The following TRIML2 variants were observed in gnomAD, a reference collection of about 807,000 sequenced individuals.
The protein encoded by TRIML2 is tripartite motif family like 2.
TRIML2 carries 28 observed loss-of-function variants against 31.2 expected under a neutral mutation model. That is an observed-to-expected ratio of 0.90 (90% CI 0.66 to 1.23). The LOEUF (loss-of-function observed/expected upper bound fraction) is 1.23, where lower values mean the gene tolerates loss of function less well. Ranked by LOEUF, TRIML2 falls within the 50% of genes most tolerant of loss-of-function variation. The pLI, the probability that TRIML2 is intolerant of heterozygous loss-of-function variation, is 0.00. For synonymous variants in TRIML2, 187 were observed against 197.5 expected (o/e 0.95, Z 0.45); for missense variants, 536 against 528.3 (o/e 1.01, Z -0.14).
chr4:188,098,135 A>G, intron 5 of TRIML2: 1 of 308,864 alleles, frequency 3.2e-6, no homozygotes, highest in Non-Finnish European at 6.6e-6. Flanking sequence ...AAAAAAAAAA[A>G]AAAAAGGTAA....
At chr4:188,097,781 G>A (rs1008945534) in intron 5 of TRIML2, among the ~76,000 whole-genome samples, 5 of 152,090 alleles carry the variant, frequency 3.3e-5, no homozygotes, top group Non-Finnish European at 7.4e-5. Context: ...CCAGATGAGC[G>A]CATTCATTGC....
At chr4:188,097,765 C>T (rs1050440680) in intron 5 of TRIML2, among the ~76,000 whole-genome samples, 5 of 152,164 alleles carry the variant, frequency 3.3e-5, no homozygotes, top group African/African-American at 4.8e-5. Context: ...TACCTACAGA[C>T]GCTTTCCAGA....
intron 7 of TRIML2, among the ~76,000 whole-genome samples, chr4:188,095,653 G>T (rs1330845014): frequency 6.6e-6 from 1 of 152,132 alleles, no homozygotes; most frequent in Non-Finnish European, 1.5e-5. Context: ...CACGTTATTG[G>T]TGGGAAGGCA....
chr4:188,104,727 C>T, intron 3 of TRIML2, 110 bp downstream of exon 3: 1 of 931,020 alleles, frequency 1.1e-6, no homozygotes, highest in Non-Finnish European at 1.7e-6. Flanking sequence ...CTATAGATTT[C>T]ACATTTTTCC....
At position 188,095,390 on chromosome 4, in the gene TRIML2, C is replaced by T. The variant is rs557611463; in HGVS notation, c.745+1671G>A. 2.5e-3 allele frequency among the ~76,000 whole-genome samples: 380 copies of T among 152,148 alleles called. 3 individuals carry two copies. Among genetic ancestry groups the T allele is most frequent in the African/African-American group, 8.7e-3 (363 of 41,510 alleles). On this transcript the variant is annotated intron_variant, in intron 7 of 7. Transcript: ENST00000682553. ...GCAAAATTTATCTGATAAATGAATG[C>T]TAAACAGAACATATAAAGAAATTAT...
chr4:188,108,327 A>AT (rs1445435915), intron 1 of TRIML2, among the ~76,000 whole-genome samples: 5 of 152,154 alleles, frequency 3.3e-5, no homozygotes, highest in Non-Finnish European at 5.9e-5. Context: ...CAAAATTAAC[A>AT]TATCTAAAGC....
intron 3 of TRIML2, among the ~76,000 whole-genome samples, chr4:188,102,978 C>T (rs1457564050): frequency 6.7e-6 from 1 of 150,166 alleles, no homozygotes; most frequent in African/African-American, 2.4e-5. Flanking sequence ...CTTTGCACGT[C>T]TCTCCACCTC....
At chr4:188,108,979 A>G (rs1357738718) in intron 1 of TRIML2, among the ~76,000 whole-genome samples, 3 of 152,216 alleles carry the variant, frequency 2.0e-5, no homozygotes, top group Non-Finnish European at 4.4e-5. Context: ...TGTAAACGAT[A>G]TTTTATGTTA....
intron 7 of TRIML2, 42 bp downstream of exon 7, chr4:188,097,019 T>C (rs1418205515): frequency 7.2e-7 from 1 of 1,385,748 alleles, no homozygotes; most frequent in Non-Finnish European, 1.0e-6. Context: ...GATTCTCAAA[T>C]GCAGAACAGT....
At chr4:188,096,932 C>T (rs933889232) in intron 7 of TRIML2, 129 bp downstream of exon 7, 4 of 717,142 alleles carry the variant, frequency 5.6e-6, no homozygotes, top group African/African-American at 1.8e-5. Flanking sequence ...GCTGGGATTA[C>T]AGGAGTGACC....
intron 3 of TRIML2, among the ~76,000 whole-genome samples, chr4:188,104,287 A>G (rs1369311761): frequency 1.3e-5 from 2 of 152,174 alleles, no homozygotes; most frequent in African/African-American, 2.4e-5. Context: ...TTTAAAATAT[A>G]TTTACTTTCT....
chr4:188,095,779 C>T (rs1733477546), intron 7 of TRIML2, among the ~76,000 whole-genome samples: 1 of 152,138 alleles, frequency 6.6e-6, no homozygotes, highest in Non-Finnish European at 1.5e-5. Context: ...CAGCACAGAG[C>T]TGGAAACAAC....
intron 3 of TRIML2, among the ~76,000 whole-genome samples, chr4:188,101,686 C>G (rs1295886717): frequency 1.3e-5 from 2 of 150,978 alleles, no homozygotes; most frequent in African/African-American, 2.4e-5. Context: ...GAGCTAGACT[C>G]TGTCTCAAAA....
chr4:188,092,856 T>G (rs1733328258), intron 7 of TRIML2: 1 of 456,448 alleles, frequency 2.2e-6, no homozygotes, highest in Admixed American at 2.4e-5. Flanking sequence ...TCTCTGACTG[T>G]TCCTCTCATC....
At chr4:188,103,445 T>A (rs148736133) in intron 3 of TRIML2, among the ~76,000 whole-genome samples, 28 of 152,246 alleles carry the variant, frequency 1.8e-4, no homozygotes, top group African/African-American at 6.3e-4. Context: ...CCTAAATGAC[T>A]GACCGCCTTC....
At chr4:188,109,154 A>G (rs1469947638) in intron 1 of TRIML2, 89 bp downstream of exon 1, 1 of 112,570 alleles carries the variant, frequency 8.9e-6, no homozygotes, top group African/African-American at 2.8e-5. Context: ...ACACAGATAC[A>G]CACACACACA....
intron 7 of TRIML2, chr4:188,093,047 A>G: frequency 2.8e-6 from 1 of 355,560 alleles, no homozygotes; most frequent in Non-Finnish European, 5.6e-6. Context: ...GAAAAAACAC[A>G]GGAATTTCAA....
chr4:188,093,854 C>T (rs1267714821), intron 7 of TRIML2, among the ~76,000 whole-genome samples: 1 of 151,904 alleles, frequency 6.6e-6, no homozygotes, highest in East Asian at 1.9e-4. Flanking sequence ...CCTTTAATCC[C>T]AGCACTTTGG....
intron 3 of TRIML2, among the ~76,000 whole-genome samples, chr4:188,101,877 T>G (rs1012030766): frequency 2.0e-5 from 3 of 151,870 alleles, no homozygotes; most frequent in African/African-American, 4.8e-5. Flanking sequence ...ACGCCTGTAA[T>G]CCCAGCACTT....
Sources: allele counts gnomAD v4.1 joint callset (sites outside exome capture counted in the v4.1 genomes callset), GRCh38; gene constraint gnomAD v4.1.1; transcripts MANE v1.5; gene names NCBI Gene and HGNC (gene_info 2026-07-23, HGNC 2026-07-21).